ASXL3: variants seen among roughly 807,000 people sequenced by gnomAD.
ASXL3 encodes ASXL transcriptional regulator 3, also known as putative Polycomb group protein ASXL3.
In ASXL3, 34 loss-of-function variants were observed where a neutral mutation model predicts 170.6. That is an observed-to-expected ratio of 0.20 (90% CI 0.15 to 0.27). ASXL3 has a LOEUF of 0.27. ASXL3 is among the 10% of genes least tolerant of loss of function. The probability of loss-of-function intolerance (pLI) is 1.00; values close to 1 mark genes in which losing one functional copy is unlikely to be tolerated. For synonymous variants in ASXL3, 1,002 were observed against 989.1 expected (o/e 1.01, Z -0.24); for missense variants, 2,592 against 2,695.3 (o/e 0.96, Z 0.85).
In ASXL3 at chr18:33,641,331, C is replaced by T. The variant is rs570246569; in HGVS notation, c.138-3563C>T. Among the ~76,000 whole-genome samples, 195 of 152,092 alleles carry T rather than the reference C, an allele frequency of 1.3e-3. 1 individual carries two copies. The highest frequency in any genetic ancestry group is 4.2e-3 in the African/African-American group (175 of 41,508). On this transcript the variant is annotated intron_variant, in intron 2 of 11. Transcript: ENST00000269197. ...GCTCCCTTGCCTCCAGATTCCACCC[C>T]GTTCTGCTTCAGGGGTTGTGGGAAA...
intron 8 of ASXL3, among the ~76,000 whole-genome samples, chr18:33,701,860 G>A (rs894584234): frequency 4.6e-5 from 7 of 151,558 alleles, no homozygotes; most frequent in Non-Finnish European, 7.4e-5. Flanking sequence ...GTACTTGTGC[G>A]CCACATATCT....
At chr18:33,724,086 A>T (rs2067306226) in intron 8 of ASXL3, among the ~76,000 whole-genome samples, 1 of 152,268 alleles carries the variant, frequency 6.6e-6, no homozygotes, top group East Asian at 1.9e-4. Flanking sequence ...TATGTGACTT[A>T]CTTTTTTGCA....
chr18:33,578,362 G>T lies in ASXL3; in HGVS notation c.-270G>T, dbSNP rs1278316163. 42 of 80,248 alleles carry T rather than the reference G, an allele frequency of 5.2e-4. No homozygotes were observed. Among genetic ancestry groups the T allele is most frequent in the Admixed American group, 2.6e-3 (17 of 6,526 alleles). 5.0% of individuals were successfully genotyped at this position (80,248 alleles called of 1,614,324 possible). On this transcript the variant is annotated 5_prime_UTR_variant, in exon 1 of 12. Transcript: ENST00000269197. Reference sequence around the variant, plus strand: ...CCCTGGCCCGGGCCCCGCTGCTGCCGCCGCCCCCGCCCCCGGCCCGCCCGC... The same window carrying T: ...CCCTGGCCCGGGCCCCGCTGCTGCCTCCGCCCCCGCCCCCGGCCCGCCCGC...
At position 33,591,638 on chromosome 18, in the gene ASXL3, CTT is replaced by C. The variant is rs370020953; in HGVS notation, c.54+12967_54+12968del. Among the ~76,000 whole-genome samples the C allele has an allele frequency of 4.0e-3, 566 of 141,392 alleles. 3 individuals are homozygous for C. The highest frequency in any genetic ancestry group is 0.014 in the African/African-American group (534 of 38,148). 92.8% of individuals were successfully genotyped at this position (141,392 alleles called of 152,430 possible). ...TCCTTTCGATCTTCTAATGACACTACTTTTTTTTTTTTTTTCTTTTTTAAACG... is the reference window on the plus strand; with the variant it reads ...TCCTTTCGATCTTCTAATGACACTACTTTTTTTTTTTTTCTTTTTTAAACG... On this transcript the variant is annotated intron_variant, in intron 1 of 11. Coordinates refer to ENST00000269197, the MANE Select transcript of ASXL3 (RefSeq NM_030632.3).
At chr18:33,593,943 A>G (rs1013754813) in intron 1 of ASXL3, among the ~76,000 whole-genome samples, 6 of 152,210 alleles carry the variant, frequency 3.9e-5, no homozygotes, top group Non-Finnish European at 2.9e-5. Flanking sequence ...GATATTTTAC[A>G]TTTATATCCC....
chr18:33,628,234 A>T (rs2065628828), intron 2 of ASXL3, among the ~76,000 whole-genome samples: 2 of 152,102 alleles, frequency 1.3e-5, no homozygotes, highest in African/African-American at 4.8e-5. Context: ...TGATAAGTGG[A>T]AAGATCTATT....
chr18:33,632,259 CT>C (rs1304584735), intron 2 of ASXL3, among the ~76,000 whole-genome samples: 1 of 151,826 alleles, frequency 6.6e-6, no homozygotes, highest in Non-Finnish European at 1.5e-5. Flanking sequence ...TTTTTCCTTT[CT>C]TTGATCTTAG....
intron 4 of ASXL3, among the ~76,000 whole-genome samples, chr18:33,653,213 G>C (rs908942845): frequency 6.6e-6 from 1 of 152,026 alleles, no homozygotes. Context: ...GTTCAGGAGG[G>C]TGGGGGTAGG....
In ASXL3 at chr18:33,646,405, T is replaced by C; in HGVS notation, c.355+52T>C. On this transcript the variant is annotated intron_variant, in intron 4 of 11. Coordinates refer to ENST00000269197, the MANE Select transcript of ASXL3 (RefSeq NM_030632.3). ...ATCCCTTGTTCTCTTAAAAGTTATA[T>C]AGAATGCCAATGATTCATTAATTGA... is the stretch of plus-strand genomic sequence containing the variant. The C allele has an allele frequency of 2.3e-6, 3 of 1,298,966 alleles. No homozygotes were observed. In the South Asian group the frequency reaches 4.0e-5, roughly 17 times the overall value. 80.5% of individuals were successfully genotyped at this position (1,298,966 alleles called of 1,614,324 possible).
intron 5 of ASXL3, among the ~76,000 whole-genome samples, chr18:33,662,692 T>G (rs1170758318): frequency 6.6e-6 from 1 of 152,172 alleles, no homozygotes; most frequent in Non-Finnish European, 1.5e-5. Flanking sequence ...TCTGATACAA[T>G]CATCTATTTT....
rs1599534429 is a variant in ASXL3 at position 33,715,762 on chromosome 18, G to T, written c.880-16206G>T. The stretch of plus-strand genomic sequence containing the variant: ...TATGATCTCTTTACATTTAAAAATT[G>T]AGGGGGTACATATCAAAAAATAAAA... On this transcript the variant is annotated intron_variant, in intron 8 of 11. Coordinates refer to ENST00000269197, the MANE Select transcript of ASXL3 (RefSeq NM_030632.3). 1.3e-5 allele frequency among the ~76,000 whole-genome samples: 2 copies of T among 152,246 alleles called. 1 individual carries two copies. The highest frequency in any genetic ancestry group is 4.1e-4 in the South Asian group (2 of 4,822).
At chr18:33,719,225 G>A (rs140482770) in intron 8 of ASXL3, among the ~76,000 whole-genome samples, 102 of 151,874 alleles carry the variant, frequency 6.7e-4, no homozygotes, top group African/African-American at 2.4e-3. Flanking sequence ...CTCCCTTTTC[G>A]GAGCTGTGGT....
intron 8 of ASXL3, among the ~76,000 whole-genome samples, chr18:33,719,866 G>C (rs1035423228): frequency 6.6e-6 from 1 of 151,980 alleles, no homozygotes; most frequent in African/African-American, 2.4e-5. Context: ...GGAGGAGTGA[G>C]GAATAAATTT....
intron 2 of ASXL3, among the ~76,000 whole-genome samples, chr18:33,609,706 T>C (rs1416453344): frequency 6.6e-6 from 1 of 151,964 alleles, no homozygotes; most frequent in African/African-American, 2.4e-5. Flanking sequence ...CTATTTGTCC[T>C]TCTGTAAGGA....
rs1364943425 is a variant in ASXL3, at chr18:33,587,433, A to G, written c.54+8748A>G. On this transcript the variant is annotated intron_variant, in intron 1 of 11. Coordinates refer to ENST00000269197, the MANE Select transcript of ASXL3 (RefSeq NM_030632.3). ...CTTATATCACGCTCCCTCTTTCTAAATTGCTTTTCACAGCTTTATAATTTT... is the reference window on the plus strand; with the variant it reads ...CTTATATCACGCTCCCTCTTTCTAAGTTGCTTTTCACAGCTTTATAATTTT... Among the ~76,000 whole-genome samples the G allele has an allele frequency of 2.6e-5, 4 of 152,138 alleles. 1 individual carries two copies. Among genetic ancestry groups the G allele is most frequent in the Non-Finnish European group, 5.9e-5 (4 of 68,006 alleles).
intron 2 of ASXL3, among the ~76,000 whole-genome samples, chr18:33,624,580 A>G (rs1365109912): frequency 1.3e-5 from 2 of 152,138 alleles, no homozygotes; most frequent in Non-Finnish European, 2.9e-5. Context: ...AAGTGTTAAC[A>G]GTAGTATCCC....
intron 1 of ASXL3, among the ~76,000 whole-genome samples, chr18:33,588,023 G>T (rs1321102019): frequency 6.6e-6 from 1 of 151,976 alleles, no homozygotes; most frequent in Non-Finnish European, 1.5e-5. Context: ...CTGTCTTAAT[G>T]TTTATGGGTG....
chr18:33,690,121 C>T (rs1211932552), intron 8 of ASXL3: 1 of 152,158 alleles, frequency 6.6e-6, no homozygotes, highest in African/African-American at 2.4e-5. Flanking sequence ...ACTTCACCTC[C>T]CAAAGCACTG....
chr18:33,737,151 T>C (rs940692029), intron 10 of ASXL3, among the ~76,000 whole-genome samples: 24 of 152,170 alleles, frequency 1.6e-4, no homozygotes, highest in African/African-American at 5.8e-4. Context: ...TAGAGAACAT[T>C]GAAAGGAAAG....
Sources: gnomAD v4.1 joint callset for allele counts (sites outside exome capture counted in the v4.1 genomes callset) on GRCh38, gnomAD v4.1.1 for gene constraint, MANE v1.5 for transcripts, NCBI Gene and HGNC (gene_info 2026-07-23, HGNC 2026-07-21) for gene names.